The following ZFHX4 variants were observed in gnomAD, a reference collection of about 807,000 sequenced individuals.
ZFHX4 encodes the protein zinc finger homeobox protein 4.
ZFHX4 carries 56 observed loss-of-function variants against 267.6 expected under a neutral mutation model. That is an observed-to-expected ratio of 0.21 (90% CI 0.17 to 0.26). The LOEUF (loss-of-function observed/expected upper bound fraction) is 0.26. ZFHX4 is among the 10% of genes least tolerant of loss of function. ZFHX4 has a pLI of 1.00. For synonymous variants in ZFHX4, 1,778 were observed against 1,665.6 expected, an observed-to-expected ratio of 1.07 and a Z score of -1.64; for missense variants, 4,332 against 4,420.0, an observed-to-expected ratio of 0.98 and a Z score of 0.56.
At chr8:76,711,946 C>T (rs1166087810) in intron 3 of ZFHX4, among the ~76,000 whole-genome samples, 1 of 152,156 alleles carries the variant, frequency 6.6e-6, no homozygotes, top group African/African-American at 2.4e-5. Context: ...ATCTGTACTT[C>T]GGCTGCTCTT....
At chr8:76,691,623 C>A (rs1391249546) in intron 1 of ZFHX4, among the ~76,000 whole-genome samples, 1 of 152,080 alleles carries the variant, frequency 6.6e-6, no homozygotes, top group African/African-American at 2.4e-5. Context: ...CAACCCAATG[C>A]TTAATAGGAA....
At chr8:76,688,007 G>A (rs941766375) in intron 1 of ZFHX4, among the ~76,000 whole-genome samples, 1 of 152,106 alleles carries the variant, frequency 6.6e-6, no homozygotes, top group South Asian at 2.1e-4. Context: ...ACAAGCAGGG[G>A]CTCAGATTTC....
chr8:76,846,544 C>CT (rs1812369705), intron 6 of ZFHX4, among the ~76,000 whole-genome samples: 1 of 151,962 alleles, frequency 6.6e-6, no homozygotes, highest in South Asian at 2.1e-4. Flanking sequence ...TTAACTCTTA[C>CT]TTTTTTGATA....
chr8:76,720,919 T>C (rs1489500464), intron 3 of ZFHX4, among the ~76,000 whole-genome samples: 1 of 152,180 alleles, frequency 6.6e-6, no homozygotes. Context: ...CAGTGATAAC[T>C]CAGTCAGGAC....
At chr8:76,790,382 G>A (rs1173728797) in intron 4 of ZFHX4, among the ~76,000 whole-genome samples, 1 of 151,998 alleles carries the variant, frequency 6.6e-6, no homozygotes, top group Non-Finnish European at 1.5e-5. Context: ...TGGAGCTGTG[G>A]TTTTTATTCA....
At chr8:76,768,840 G>T (rs1810180290) in intron 3 of ZFHX4, among the ~76,000 whole-genome samples, 1 of 151,988 alleles carries the variant, frequency 6.6e-6, no homozygotes, top group Non-Finnish European at 1.5e-5. Flanking sequence ...ATAGAAGGGG[G>T]CTTGATATCA....
At chr8:76,747,952 A>G (rs1809506783) in intron 3 of ZFHX4, among the ~76,000 whole-genome samples, 1 of 152,000 alleles carries the variant, frequency 6.6e-6, no homozygotes, top group Non-Finnish European at 1.5e-5. Flanking sequence ...AAACAAACAA[A>G]CAAACAAACA....
rs771393049 is a variant in ZFHX4 at position 76,855,772 on chromosome 8, T to C, written c.8851T>C (p.Tyr2951His). The stretch of plus-strand genomic sequence containing the variant: ...GGTTCTCAAGGCTTGCTTTAGTGAC[T>C]ACCGAACTCCAACCATGCAAGAATG... ...LKVLKACFSD[Y>H]RTPTMQECEM... The change falls in exon 10 of 11, where the codon TAC (tyrosine) becomes CAC (histidine). Residue 2951 changes from tyrosine (Y) to histidine (H), a missense_variant. Transcript: ENST00000651372. 6.2e-7 allele frequency: 1 copy of C among 1,613,950 alleles called. No homozygotes were observed. Among genetic ancestry groups the C allele is most frequent in the South Asian group, 1.1e-5 (1 of 91,082 alleles).
intron 3 of ZFHX4, among the ~76,000 whole-genome samples, chr8:76,761,776 T>A (rs1378044359): frequency 6.6e-6 from 1 of 152,160 alleles, no homozygotes; most frequent in Non-Finnish European, 1.5e-5. Context: ...ATAAATGAGG[T>A]TTAGAAGCAA....
intron 6 of ZFHX4, among the ~76,000 whole-genome samples, chr8:76,846,065 C>T (rs1812356536): frequency 6.6e-6 from 1 of 151,896 alleles, no homozygotes; most frequent in Admixed American, 6.6e-5. Context: ...TTAATTGACC[C>T]TTATTTAATA....
intron 4 of ZFHX4, among the ~76,000 whole-genome samples, chr8:76,830,163 T>G (rs147779831): frequency 1.8e-4 from 28 of 152,310 alleles, no homozygotes; most frequent in African/African-American, 6.5e-4. Flanking sequence ...TGTAAAATGT[T>G]GTTGTTGATG....
At chr8:76,845,484 T>C (rs1359541803) in intron 6 of ZFHX4, among the ~76,000 whole-genome samples, 1 of 152,048 alleles carries the variant, frequency 6.6e-6, no homozygotes, top group African/African-American at 2.4e-5. Flanking sequence ...CCTTTCATTC[T>C]AGTCTCATTA....
At position 76,866,066 on chromosome 8, in the gene ZFHX4, T is replaced by C. The variant is rs976621124; in HGVS notation, c.*1501T>C. On this transcript the variant is annotated 3_prime_UTR_variant, in exon 11 of 11. Coordinates refer to ENST00000651372, the MANE Select transcript of ZFHX4 (RefSeq NM_024721.5). ...AAAGAATGTGAAAGCTGTCAAAGGG[T>C]ATTTTACGAATCACTTTTGTGTTTG... 6.6e-6 allele frequency: 1 copy of C among 152,590 alleles called. No homozygotes were observed. Among genetic ancestry groups the C allele is most frequent in the Non-Finnish European group, 1.5e-5 (1 of 68,024 alleles). The allele number at this position is 152,590 out of a possible 1,614,324, so 9.5% of individuals were successfully genotyped here.
chr8:76,848,313 T>C (rs916775469), intron 6 of ZFHX4, among the ~76,000 whole-genome samples: 1 of 152,162 alleles, frequency 6.6e-6, no homozygotes, highest in Non-Finnish European at 1.5e-5. Context: ...TCCTACACAT[T>C]ACACTGCTGG....
intron 3 of ZFHX4, among the ~76,000 whole-genome samples, chr8:76,716,169 G>C (rs949585067): frequency 2.0e-5 from 3 of 152,020 alleles, no homozygotes; most frequent in Non-Finnish European, 2.9e-5. Flanking sequence ...TTGCAAGAAG[G>C]CCTCATTTAT....
At chr8:76,850,025 A>G in intron 8 of ZFHX4, 1 of 574,086 alleles carries the variant, frequency 1.7e-6, no homozygotes, top group South Asian at 2.3e-5. Flanking sequence ...AAAAAAATAA[A>G]CCTACAGGAA....
At position 76,854,713 on chromosome 8, in the gene ZFHX4, A is replaced by T. The variant is rs1812660392; in HGVS notation, c.7792A>T (p.Ser2598Cys). Residue 2598 changes from serine (S) to cysteine (C), a missense_variant, in exon 10 of 11, where the codon AGC becomes TGC. Ser to Cys is a moderately radical substitution (Grantham distance 112). This residue lies in a region of ZFHX4 where 1,648 missense variants were observed against 1,625.0 expected (regional missense o/e 1.01). Coordinates refer to ENST00000651372, the MANE Select transcript of ZFHX4 (RefSeq NM_024721.5). ...TTGCAGTGAAAAAGAAGGAGGGAAT[A>T]GCGGTGAAGACCAACACCGAGATAA... ...NNCSEKEGGN[S>C]GEDQHRDKRL... 6.2e-7 allele frequency: 1 copy of T among 1,613,526 alleles called. No individual in the cohort carries two copies. The highest frequency in any genetic ancestry group is 1.3e-5 in the African/African-American group (1 of 74,918).
chr8:76,738,436 G>C (rs879391693), intron 3 of ZFHX4, among the ~76,000 whole-genome samples: 1 of 152,110 alleles, frequency 6.6e-6, no homozygotes, highest in Non-Finnish European at 1.5e-5. Context: ...AAAAGTGATG[G>C]CATCTCCATA....
chr8:76,714,772 T>C (rs1808520232), intron 3 of ZFHX4, among the ~76,000 whole-genome samples: 1 of 152,220 alleles, frequency 6.6e-6, no homozygotes, highest in South Asian at 2.1e-4. Flanking sequence ...AAGCCATCTT[T>C]CTAAGTGCTG....
Sources: allele counts gnomAD v4.1 joint callset (sites outside exome capture counted in the v4.1 genomes callset), GRCh38; gene constraint gnomAD v4.1.1; regional missense constraint gnomAD v4.1.1; transcripts MANE v1.5; gene names NCBI Gene and HGNC (gene_info 2026-07-23, HGNC 2026-07-21).